Variants in GABRG1 observed in about 807,000 individuals in gnomAD.
GABRG1 encodes gamma-aminobutyric acid receptor subunit gamma-1.
In GABRG1, 49 loss-of-function variants were observed where a neutral mutation model predicts 49.8. That is an observed-to-expected ratio of 0.98 (90% confidence interval 0.78 to 1.25). The LOEUF (loss-of-function observed/expected upper bound fraction) is 1.25, where lower values mean the gene tolerates loss of function less well. Among genes scored for constraint, GABRG1 ranks in the 50% most tolerant of loss-of-function variants. The pLI, the probability that GABRG1 is intolerant of heterozygous loss-of-function variation, is 0.00. For synonymous variants in GABRG1, 232 were observed against 185.1 expected (o/e 1.25, Z -2.06); for missense variants, 552 against 552.3 (o/e 1.00, Z 0.01).
chr4:46,044,087 G>C (rs1038436483), intron 8 of GABRG1, among the ~76,000 whole-genome samples: 3 of 151,968 alleles, frequency 2.0e-5, no homozygotes, highest in African/African-American at 7.2e-5. Flanking sequence ...ATGAGAAAAT[G>C]CCAAACTAAG....
At chr4:46,090,955 TACACACACAC>T (rs61288916) in intron 2 of GABRG1, among the ~76,000 whole-genome samples, 31 of 131,062 alleles carry the variant, frequency 2.4e-4, no homozygotes, top group African/African-American at 3.3e-4. Flanking sequence ...CACACACACA[TACACACACAC>T]ACACACACAC....
intron 3 of GABRG1, among the ~76,000 whole-genome samples, chr4:46,067,623 C>G (rs1436067819): frequency 6.6e-6 from 1 of 151,904 alleles, no homozygotes. Context: ...TTATTTTTTG[C>G]AACTTAATAT....
At chr4:46,043,089 T>G (rs926997331) in intron 8 of GABRG1, among the ~76,000 whole-genome samples, 2 of 151,982 alleles carry the variant, frequency 1.3e-5, no homozygotes, top group African/African-American at 4.8e-5. Context: ...CTAATCAGAA[T>G]GAAAATTAAT....
chr4:46,116,204 G>GT (rs1720880966), intron 1 of GABRG1, among the ~76,000 whole-genome samples: 1 of 150,742 alleles, frequency 6.6e-6, no homozygotes, highest in African/African-American at 2.4e-5. Flanking sequence ...CCCAGAAATT[G>GT]TAAATGTTAT....
chr4:46,049,176 A>G (rs1366219959), intron 8 of GABRG1, among the ~76,000 whole-genome samples: 3 of 151,944 alleles, frequency 2.0e-5, no homozygotes. Flanking sequence ...AACATTTAAT[A>G]CAGGCTTAAT....
At chr4:46,072,209 T>C (rs1345937702) in intron 3 of GABRG1, among the ~76,000 whole-genome samples, 1 of 152,148 alleles carries the variant, frequency 6.6e-6, no homozygotes, top group Non-Finnish European at 1.5e-5. Flanking sequence ...CATTGGGCTA[T>C]ATGATACAGC....
intron 2 of GABRG1, among the ~76,000 whole-genome samples, chr4:46,092,017 G>C (rs902651836): frequency 6.6e-6 from 1 of 151,960 alleles, no homozygotes; most frequent in Non-Finnish European, 1.5e-5. Flanking sequence ...AGAAAATTGA[G>C]TGATATTTAT....
intron 1 of GABRG1, among the ~76,000 whole-genome samples, chr4:46,121,366 T>C (rs990053447): frequency 6.6e-6 from 1 of 151,990 alleles, no homozygotes. Context: ...TACCTCCAAC[T>C]AAATATTAAA....
At chr4:46,050,185 C>T (rs1718161351) in intron 8 of GABRG1, among the ~76,000 whole-genome samples, 1 of 151,808 alleles carries the variant, frequency 6.6e-6, no homozygotes, top group Admixed American at 6.6e-5. Flanking sequence ...AAAATATATC[C>T]TATAGATAAG....
chr4:46,065,731 CT>C (rs943434730), intron 3 of GABRG1, 147 bp from the exon 4 acceptor site: 325 of 575,774 alleles, frequency 5.6e-4, no homozygotes, highest in Middle Eastern at 9.3e-4. Flanking sequence ...TTATTTTAAA[CT>C]TTTTTTTTGA....
intron 1 of GABRG1, among the ~76,000 whole-genome samples, chr4:46,097,678 G>C (rs1205061301): frequency 2.0e-5 from 3 of 151,476 alleles, no homozygotes; most frequent in African/African-American, 7.3e-5. Flanking sequence ...CATAAAATCT[G>C]TGCACCCATA....
At chr4:46,080,476 G>T (rs1318557465) in intron 3 of GABRG1, among the ~76,000 whole-genome samples, 1 of 151,332 alleles carries the variant, frequency 6.6e-6, no homozygotes, top group Non-Finnish European at 1.5e-5. Context: ...TCTTTTATTT[G>T]TTTATTTTCA....
At chr4:46,121,736 T>C (rs1257703552) in intron 1 of GABRG1, among the ~76,000 whole-genome samples, 1 of 152,078 alleles carries the variant, frequency 6.6e-6, no homozygotes, top group Non-Finnish European at 1.5e-5. Flanking sequence ...ACATGAACTG[T>C]CATAACTGAG....
At chr4:46,050,959 AG>A (rs1283583972) in intron 8 of GABRG1, among the ~76,000 whole-genome samples, 1 of 151,926 alleles carries the variant, frequency 6.6e-6, no homozygotes, top group South Asian at 2.1e-4. Context: ...ATATAAGTTA[AG>A]GTAATTATAT....
At chr4:46,123,277 CT>C (rs537054262) in intron 1 of GABRG1, among the ~76,000 whole-genome samples, 163 of 151,956 alleles carry the variant, frequency 1.1e-3, no homozygotes, top group African/African-American at 3.6e-3. Flanking sequence ...ATTTTTAATG[CT>C]GATAGATTTG....
intron 3 of GABRG1, among the ~76,000 whole-genome samples, chr4:46,071,674 C>T (rs1719128653): frequency 6.6e-6 from 1 of 150,996 alleles, no homozygotes; most frequent in Non-Finnish European, 1.5e-5. Context: ...ATGATTCTGA[C>T]CATGTAGACT....
chr4:46,110,865 C>T (rs1448865319), intron 1 of GABRG1, among the ~76,000 whole-genome samples: 4 of 150,914 alleles, frequency 2.7e-5, no homozygotes, highest in African/African-American at 9.7e-5. Context: ...TAATAAGAGT[C>T]ATCTATGACA....
chr4:46,106,542 C>T (rs1352982021), intron 1 of GABRG1, among the ~76,000 whole-genome samples: 1 of 151,436 alleles, frequency 6.6e-6, no homozygotes, highest in Admixed American at 6.6e-5. Context: ...AAACATAATA[C>T]AGCAAGAGCA....
At chr4:46,065,628 T>G in intron 3 of GABRG1, 44 bp from the exon 4 acceptor site, 1 of 877,848 alleles carries the variant, frequency 1.1e-6, no homozygotes, top group Non-Finnish European at 1.8e-6. Context: ...AAGCTACTAT[T>G]TTAGTTGTTT....
Sources: allele counts gnomAD v4.1 joint callset (sites outside exome capture counted in the v4.1 genomes callset), GRCh38; gene constraint gnomAD v4.1.1; transcripts MANE v1.5; gene names NCBI Gene and HGNC (gene_info 2026-07-23, HGNC 2026-07-21).